Variants in RBFOX1 observed in about 807,000 individuals in gnomAD.
RBFOX1 encodes the protein RNA binding fox-1 homolog 1, also known as RNA binding protein fox-1 homolog 1.
In RBFOX1, 8 loss-of-function variants were observed where a neutral mutation model predicts 57.7. That is an observed-to-expected ratio of 0.14 (90% CI 0.08 to 0.25). The LOEUF (loss-of-function observed/expected upper bound fraction) is 0.25. RBFOX1 is among the 10% of genes least tolerant of loss of function. The pLI is 1.00. For missense variants in RBFOX1, 611 were observed against 548.5 expected, an observed-to-expected ratio of 1.11 and a Z score of -1.14; for synonymous variants, 326 against 222.4, an observed-to-expected ratio of 1.47 and a Z score of -4.15.
chr16:6,390,639 G>C (rs576651622), intron 2 of RBFOX1, among the ~76,000 whole-genome samples: 2 of 152,220 alleles, frequency 1.3e-5, no homozygotes, highest in South Asian at 4.2e-4. Context: ...TAGTTGATGC[G>C]ACAGTATATG....
At chr16:5,719,126 A>G (rs969722363) in intron 3 of RBFOX1, among the ~76,000 whole-genome samples, 2 of 152,060 alleles carry the variant, frequency 1.3e-5, no homozygotes, top group African/African-American at 4.8e-5. Flanking sequence ...CATTTTATCC[A>G]TTAAACGCAT....
At chr16:5,770,659 A>C (rs1000262468) in intron 3 of RBFOX1, among the ~76,000 whole-genome samples, 1 of 152,156 alleles carries the variant, frequency 6.6e-6, no homozygotes, top group South Asian at 2.1e-4. Context: ...TCACTCTTGA[A>C]TTCTTTCCTG....
At chr16:6,198,146 G>C (rs933822531) in intron 1 of RBFOX1, among the ~76,000 whole-genome samples, 32 of 152,134 alleles carry the variant, frequency 2.1e-4, no homozygotes, top group African/African-American at 7.5e-4. Context: ...GGGGGTGACA[G>C]GTGAGTTCTC....
chr16:5,358,786 C>A (rs2065462642), intron 1 of RBFOX1, among the ~76,000 whole-genome samples: 1 of 152,152 alleles, frequency 6.6e-6, no homozygotes, highest in African/African-American at 2.4e-5. Flanking sequence ...GAGATCGCGC[C>A]ATTGCACTCT....
chr16:6,837,273 G>C (rs1053784337), intron 3 of RBFOX1, among the ~76,000 whole-genome samples: 1 of 152,208 alleles, frequency 6.6e-6, no homozygotes, highest in Non-Finnish European at 1.5e-5. Context: ...CGTGCTGCTA[G>C]TCTGTTCCAC....
chr16:6,606,950 T>C (rs2097940330), intron 2 of RBFOX1, among the ~76,000 whole-genome samples: 1 of 152,248 alleles, frequency 6.6e-6, no homozygotes, highest in African/African-American at 2.4e-5. Context: ...TTCACAATGG[T>C]TGAACAAATT....
intron 3 of RBFOX1, among the ~76,000 whole-genome samples, chr16:5,867,006 C>G (rs547159541): frequency 6.6e-6 from 1 of 152,302 alleles, no homozygotes; most frequent in South Asian, 2.1e-4. Context: ...ATTATCAGTA[C>G]ATGGACATTG....
chr16:6,887,931 G>C (rs1459649744), intron 3 of RBFOX1, among the ~76,000 whole-genome samples: 1 of 152,050 alleles, frequency 6.6e-6, no homozygotes, highest in Non-Finnish European at 1.5e-5. Flanking sequence ...CAAAGTGCTG[G>C]GATTATAGGT....
chr16:5,852,330 C>T (rs2056917610), intron 3 of RBFOX1, among the ~76,000 whole-genome samples: 1 of 152,130 alleles, frequency 6.6e-6, no homozygotes, highest in South Asian at 2.1e-4. Context: ...GGCGTGCTCA[C>T]AGGAAGGGCC....
At chr16:6,314,119 G>A (rs1390482824) in intron 1 of RBFOX1, among the ~76,000 whole-genome samples, 2 of 152,106 alleles carry the variant, frequency 1.3e-5, no homozygotes, top group Non-Finnish European at 2.9e-5. Flanking sequence ...TACCAAGTAC[G>A]GTAGCACCAA....
At chr16:5,333,589 G>A (rs766031401) in intron 1 of RBFOX1, among the ~76,000 whole-genome samples, 12 of 152,198 alleles carry the variant, frequency 7.9e-5, no homozygotes, top group Non-Finnish European at 1.5e-4. Context: ...CTTCTCTCCT[G>A]GAGGCAAGTG....
At chr16:6,099,711 C>T (rs969704794) in intron 1 of RBFOX1, among the ~76,000 whole-genome samples, 1 of 152,080 alleles carries the variant, frequency 6.6e-6, no homozygotes, top group African/African-American at 2.4e-5. Context: ...TCATGACTGT[C>T]CTTGATTTTG....
At chr16:7,173,874 C>T (rs1199865572) in intron 4 of RBFOX1, among the ~76,000 whole-genome samples, 1 of 152,124 alleles carries the variant, frequency 6.6e-6, no homozygotes, top group Non-Finnish European at 1.5e-5. Context: ...GTTAAATAAC[C>T]TATTATGCTC....
At chr16:5,266,730 T>C (rs972952745) in intron 1 of RBFOX1, among the ~76,000 whole-genome samples, 38 of 151,914 alleles carry the variant, frequency 2.5e-4, no homozygotes, top group African/African-American at 8.5e-4. Context: ...TGTATTTATT[T>C]ATTTTTTGCA....
Position 6,999,556 on chromosome 16 carries a change from G to C in RBFOX1, c.-15-52501G>C, listed in dbSNP as rs570195578. Among the ~76,000 whole-genome samples the C allele has an allele frequency of 1.2e-4, 18 of 151,950 alleles. No individual in the cohort carries two copies. In the South Asian group the frequency reaches 3.7e-3, roughly 32 times the overall value. ...AAAATTTCAAAAAAACACAAAAGTA[G>C]AATAGTATACTGATCCCTCATATGC... is the stretch of plus-strand genomic sequence containing the variant. On this transcript the variant is annotated intron_variant, in intron 3 of 15. Coordinates refer to ENST00000550418, the MANE Select transcript of RBFOX1 (RefSeq NM_018723.4).
At position 6,499,762 on chromosome 16, in the gene RBFOX1, C is replaced by T. The variant is rs1047511958; in HGVS notation, c.-63-154841C>T. Among the ~76,000 whole-genome samples the T allele has an allele frequency of 3.9e-5, 6 of 152,216 alleles. No homozygotes were observed. In the Middle Eastern group the frequency reaches 0.014, roughly 345 times the overall value. On this transcript the variant is annotated intron_variant, in intron 2 of 15. Transcript: ENST00000550418. Reference sequence around the variant, plus strand: ...GGCAAACTATAATTTCACTTGGAATCAGAAAGTCTCCATTTATGGTTTGTG... The same window carrying T: ...GGCAAACTATAATTTCACTTGGAATTAGAAAGTCTCCATTTATGGTTTGTG...
chr16:6,004,190 G>A (rs2060652817), intron 4 of RBFOX1, among the ~76,000 whole-genome samples: 1 of 152,088 alleles, frequency 6.6e-6, no homozygotes, highest in South Asian at 2.1e-4. Flanking sequence ...TGAAACTTAA[G>A]ATAAAATAAA....
At chr16:7,140,150 TTCTCTCCCTCTCTCTCTC>T (rs1478754467) in intron 4 of RBFOX1, among the ~76,000 whole-genome samples, 1 of 52,586 alleles carries the variant, frequency 1.9e-5, no homozygotes, top group African/African-American at 8.4e-5. Context: ...TATTCTCTCC[TTCTCTCCCTCTCTCTCTC>T]TCTCTCTCTC....
chr16:5,943,206 C>T (rs1184224292), intron 4 of RBFOX1, among the ~76,000 whole-genome samples: 1 of 152,158 alleles, frequency 6.6e-6, no homozygotes, highest in East Asian at 1.9e-4. Context: ...GGAGCACCTG[C>T]ATTCACATCA....
Sources: gnomAD v4.1 joint callset for allele counts (sites outside exome capture counted in the v4.1 genomes callset) on GRCh38, gnomAD v4.1.1 for gene constraint, MANE v1.5 for transcripts, NCBI Gene and HGNC (gene_info 2026-07-23, HGNC 2026-07-21) for gene names.